Variants in SH3RF2 observed in about 807,000 individuals in gnomAD.
SH3RF2 encodes SH3 domain containing ring finger 2.
SH3RF2 carries 43 observed loss-of-function variants against 59.0 expected under a neutral mutation model. The observed-to-expected ratio is 0.73, with a 90% confidence interval of 0.57 to 0.94. The LOEUF (loss-of-function observed/expected upper bound fraction) is 0.94. Among genes scored for constraint, SH3RF2 ranks in the 40% least tolerant of loss-of-function variants. The pLI is 0.00. For synonymous variants in SH3RF2, 391 were observed against 391.5 expected (o/e 1.00, Z 0.01); for missense variants, 930 against 940.1 (o/e 0.99, Z 0.14).
chr5:146,011,280 T>C (rs1056398543), intron 4 of SH3RF2, among the ~76,000 whole-genome samples: 3 of 152,210 alleles, frequency 2.0e-5, no homozygotes, highest in Admixed American at 6.5e-5. Flanking sequence ...TTGGTTACTG[T>C]AGCCTGGTAG....
chr5:145,980,938 G>C (rs1308614113), intron 2 of SH3RF2, among the ~76,000 whole-genome samples: 2 of 152,086 alleles, frequency 1.3e-5, no homozygotes, highest in African/African-American at 4.8e-5. Flanking sequence ...CTGAGGCAAA[G>C]TCCACACATC....
intron 3 of SH3RF2, among the ~76,000 whole-genome samples, chr5:146,003,196 C>A (rs1467448933): frequency 6.6e-6 from 1 of 152,162 alleles, no homozygotes; most frequent in East Asian, 1.9e-4. Context: ...ATGGCTTCAT[C>A]TGTGTGAGGT....
intron 7 of SH3RF2, 27 bp from the exon 8 acceptor site, chr5:146,055,954 C>T (rs780967149): frequency 1.9e-5 from 31 of 1,599,020 alleles, no homozygotes; most frequent in South Asian, 5.7e-5. Flanking sequence ...TATTTCTTCT[C>T]TTAAAAAAAA....
At chr5:146,061,011 C>T (rs1434737178) in intron 9 of SH3RF2, among the ~76,000 whole-genome samples, 1 of 152,190 alleles carries the variant, frequency 6.6e-6, no homozygotes, top group Non-Finnish European at 1.5e-5. Context: ...GCCATCACCA[C>T]CTCCATCACC....
At chr5:145,998,862 G>A (rs568673461) in intron 2 of SH3RF2, among the ~76,000 whole-genome samples, 1 of 152,080 alleles carries the variant, frequency 6.6e-6, no homozygotes, top group African/African-American at 2.4e-5. Flanking sequence ...AGTGAGCTGA[G>A]ATCACACCAC....
chr5:146,047,154 C>CGTGTGTGTGT (rs35750777), intron 5 of SH3RF2, among the ~76,000 whole-genome samples: 27 of 148,224 alleles, frequency 1.8e-4, no homozygotes, highest in African/African-American at 4.5e-4. Flanking sequence ...ATTGGATAGG[C>CGTGTGTGTGT]GTGTGTGTGT....
chr5:145,944,639 C>T (rs2149941249), intron 2 of SH3RF2, among the ~76,000 whole-genome samples: 1 of 152,304 alleles, frequency 6.6e-6, no homozygotes, highest in East Asian at 1.9e-4. Context: ...TAAAACTAAA[C>T]ATTTTCCCTT....
At chr5:145,995,336 A>G (rs1243593047) in intron 2 of SH3RF2, among the ~76,000 whole-genome samples, 1 of 152,216 alleles carries the variant, frequency 6.6e-6, no homozygotes. Flanking sequence ...GTACCCAGAA[A>G]AATGTGATAT....
At chr5:146,031,203 A>C (rs1363292589) in intron 5 of SH3RF2, among the ~76,000 whole-genome samples, 2 of 152,138 alleles carry the variant, frequency 1.3e-5, no homozygotes, top group Admixed American at 1.3e-4. Flanking sequence ...GAATTCTGTC[A>C]CTTCCCACCT....
intron 9 of SH3RF2, among the ~76,000 whole-genome samples, chr5:146,073,650 A>G (rs368799851): frequency 1.2e-4 from 18 of 151,966 alleles, no homozygotes; most frequent in East Asian, 5.8e-4. Context: ...CACTTCATTC[A>G]CTTACTCATT....
chr5:146,047,035 G>T (rs1762328652), intron 5 of SH3RF2, among the ~76,000 whole-genome samples: 1 of 152,112 alleles, frequency 6.6e-6, no homozygotes, highest in African/African-American at 2.4e-5. Flanking sequence ...AGGTTTATAG[G>T]CATGAGGCAC....
At chr5:146,045,877 T>C (rs1382469506) in intron 5 of SH3RF2, among the ~76,000 whole-genome samples, 3 of 152,232 alleles carry the variant, frequency 2.0e-5, no homozygotes, top group African/African-American at 7.2e-5. Context: ...GGTAATCCTA[T>C]GTTTAATCAT....
At chr5:145,939,299 C>G (rs1757720123) in intron 2 of SH3RF2, among the ~76,000 whole-genome samples, 1 of 152,214 alleles carries the variant, frequency 6.6e-6, no homozygotes, top group Non-Finnish European at 1.5e-5. Flanking sequence ...TTACCTAGAG[C>G]AAGCATTAGA....
chr5:145,979,411 T>A (rs955599240), intron 2 of SH3RF2, among the ~76,000 whole-genome samples: 7 of 152,208 alleles, frequency 4.6e-5, no homozygotes, highest in Non-Finnish European at 8.8e-5. Context: ...AAAGCATATC[T>A]ACAAATATCC....
At chr5:145,989,835 T>A (rs956401376) in intron 2 of SH3RF2, among the ~76,000 whole-genome samples, 2 of 152,232 alleles carry the variant, frequency 1.3e-5, no homozygotes, top group African/African-American at 4.8e-5. Context: ...TGTGGTTGAT[T>A]CTACTCCACT....
chr5:145,995,250 G>T lies in SH3RF2; in HGVS notation c.379-4808G>T, dbSNP rs188344439. ...AAACTCCGGACGGATGCTTCCTAAA[G>T]GTTGCTTACTCCCACACTGGCCTGG... On this transcript the variant is annotated intron_variant, in intron 2 of 9. Coordinates refer to ENST00000359120, the MANE Select transcript of SH3RF2 (RefSeq NM_152550.4). Among the ~76,000 whole-genome samples the T allele has an allele frequency of 2.9e-3, 448 of 152,218 alleles. 4 individuals are homozygous for T. Among genetic ancestry groups the T allele is most frequent in the African/African-American group, 0.01 (427 of 41,530 alleles).
chr5:145,978,406 G>A (rs957239207), intron 2 of SH3RF2, among the ~76,000 whole-genome samples: 1 of 152,174 alleles, frequency 6.6e-6, no homozygotes, highest in East Asian at 1.9e-4. Flanking sequence ...AGCTTCTCTA[G>A]ATTCCTTTGC....
chr5:146,012,445 C>T (rs1467669727), intron 4 of SH3RF2, among the ~76,000 whole-genome samples: 1 of 152,114 alleles, frequency 6.6e-6, no homozygotes, highest in Non-Finnish European at 1.5e-5. Flanking sequence ...ATGGTACCAG[C>T]TCCTCCTTGT....
intron 2 of SH3RF2, among the ~76,000 whole-genome samples, chr5:145,943,594 T>C (rs1757899979): frequency 6.6e-6 from 1 of 152,232 alleles, no homozygotes; most frequent in Admixed American, 6.5e-5. Flanking sequence ...GGATCAATGC[T>C]ATTTCTGAGA....
Sources: allele counts gnomAD v4.1 joint callset (sites outside exome capture counted in the v4.1 genomes callset), GRCh38; gene constraint gnomAD v4.1.1; transcripts MANE v1.5; gene names NCBI Gene and HGNC (gene_info 2026-07-23, HGNC 2026-07-21).